FNDC3B: variants seen among roughly 807,000 people sequenced by gnomAD.
The protein encoded by FNDC3B is fibronectin type III domain-containing protein 3B.
Under a neutral mutation model 151.5 loss-of-function variants are expected in FNDC3B, and 12 were observed. The observed-to-expected ratio is 0.08, with a 90% CI of 0.05 to 0.13. The LOEUF (loss-of-function observed/expected upper bound fraction) is 0.13, where lower values mean the gene tolerates loss of function less well. Ranked by LOEUF, FNDC3B falls within the 10% of genes least tolerant of loss-of-function variation. FNDC3B has a pLI of 1.00. For missense variants in FNDC3B, 1,214 were observed against 1,505.3 expected, an observed-to-expected ratio of 0.81 and a Z score of 3.20; for synonymous variants, 528 against 549.0, an observed-to-expected ratio of 0.96 and a Z score of 0.54.
At position 172,311,846 on chromosome 3, in the gene FNDC3B, C is replaced by G. The variant is rs1302238118; in HGVS notation, c.1254+965C>G. Among the ~76,000 whole-genome samples the G allele has an allele frequency of 5.3e-5, 8 of 150,656 alleles. No individual in the cohort carries two copies. In the East Asian group the frequency reaches 1.6e-3, roughly 29 times the overall value. Reference sequence around the variant, plus strand: ...TGAGCCGAGATCGCACCACTGCACTCTAGCCTGGGCGACAGAGCAAGACTC... The same window carrying G: ...TGAGCCGAGATCGCACCACTGCACTGTAGCCTGGGCGACAGAGCAAGACTC... On this transcript the variant is annotated intron_variant, in intron 11 of 25. Coordinates refer to ENST00000415807, the MANE Select transcript of FNDC3B (RefSeq NM_022763.4).
chr3:172,109,840 A>G (rs1719872671), intron 1 of FNDC3B, among the ~76,000 whole-genome samples: 1 of 152,234 alleles, frequency 6.6e-6, no homozygotes, highest in African/African-American at 2.4e-5. Context: ...AGCAAATATA[A>G]TGATCTCCTT....
chr3:172,111,997 C>A (rs543219658), intron 1 of FNDC3B, among the ~76,000 whole-genome samples: 338 of 152,268 alleles, frequency 2.2e-3, no homozygotes, highest in African/African-American at 7.6e-3. Context: ...TCTTAAGGAA[C>A]AAGTTATAAT....
At chr3:172,195,765 A>G (rs1444052304) in intron 3 of FNDC3B, among the ~76,000 whole-genome samples, 2 of 152,204 alleles carry the variant, frequency 1.3e-5, no homozygotes, top group South Asian at 4.1e-4. Flanking sequence ...GAGCTGTTCA[A>G]TTACACAGGA....
At chr3:172,262,296 T>C (rs1193910199) in intron 6 of FNDC3B, among the ~76,000 whole-genome samples, 2 of 152,226 alleles carry the variant, frequency 1.3e-5, no homozygotes, top group African/African-American at 2.4e-5. Flanking sequence ...CCTGTTGTGG[T>C]CCATGTGCCC....
At chr3:172,069,203 C>G (rs919745452) in intron 1 of FNDC3B, among the ~76,000 whole-genome samples, 1 of 152,180 alleles carries the variant, frequency 6.6e-6, no homozygotes, top group Non-Finnish European at 1.5e-5. Context: ...TTTAGCAGGT[C>G]ACTCTAGTAC....
intron 1 of FNDC3B, among the ~76,000 whole-genome samples, chr3:172,102,926 C>T (rs1006456116): frequency 6.6e-6 from 1 of 152,110 alleles, no homozygotes; most frequent in Non-Finnish European, 1.5e-5. Context: ...CAGTTATTCC[C>T]ATGTTTGGAT....
chr3:172,261,255 C>T (rs933339033), intron 6 of FNDC3B, among the ~76,000 whole-genome samples: 2 of 152,260 alleles, frequency 1.3e-5, no homozygotes, highest in Non-Finnish European at 2.9e-5. Flanking sequence ...GAGGTGGAAA[C>T]CATTTCTGTT....
chr3:172,065,388 G>C (rs1576830761), intron 1 of FNDC3B, among the ~76,000 whole-genome samples: 1 of 131,286 alleles, frequency 7.6e-6, no homozygotes, highest in African/African-American at 2.8e-5. Context: ...AACTGAAATA[G>C]TAGTGGACAT....
At chr3:172,083,831 T>G (rs1289714755) in intron 1 of FNDC3B, among the ~76,000 whole-genome samples, 1 of 152,258 alleles carries the variant, frequency 6.6e-6, no homozygotes, top group African/African-American at 2.4e-5. Context: ...GTTTCTACAC[T>G]GTTAAATCTA....
At chr3:172,380,453 A>C (rs1735380421) in intron 24 of FNDC3B, among the ~76,000 whole-genome samples, 2 of 152,232 alleles carry the variant, frequency 1.3e-5, no homozygotes, top group African/African-American at 4.8e-5. Context: ...CTGCTCCTCA[A>C]ACTTTCCTTA....
At chr3:172,114,915 A>C (rs1416178572) in intron 2 of FNDC3B, among the ~76,000 whole-genome samples, 1 of 152,238 alleles carries the variant, frequency 6.6e-6, no homozygotes, top group African/African-American at 2.4e-5. Context: ...CTTTTTAATT[A>C]GTAAATATGT....
chr3:172,285,813 A>AT, intron 6 of FNDC3B, 113 bp from the exon 7 acceptor site: 1 of 738,130 alleles, frequency 1.4e-6, no homozygotes, highest in Non-Finnish European at 2.3e-6. Flanking sequence ...AATTCATGAT[A>AT]ACAGGCAACT....
chr3:172,249,026 A>T (rs1186867596), intron 5 of FNDC3B, among the ~76,000 whole-genome samples: 2 of 152,098 alleles, frequency 1.3e-5, no homozygotes, highest in Non-Finnish European at 2.9e-5. Context: ...TTTCCATGCG[A>T]CACACCAAGA....
In FNDC3B at chr3:172,397,665, AT is replaced by A. The variant is rs879363297; in HGVS notation, c.*201del. 5.8e-3 allele frequency: 1,617 copies of A among 276,540 alleles called. No individual in the cohort carries two copies. Among genetic ancestry groups the A allele is most frequent in the South Asian group, 9.4e-3 (45 of 4,798 alleles). 17.1% of individuals were successfully genotyped at this position (276,540 alleles called of 1,614,324 possible). A position where few individuals can be genotyped will look rare whatever the true frequency, so the allele number is the denominator to read the frequency against. On this transcript the variant is annotated 3_prime_UTR_variant, in exon 26 of 26. Transcript: ENST00000415807. ...CAAAACTAGGAAAAGGTTAAACTGG[AT>A]TTTTTTTTTTAAAAAAAAGAAAAAA...
intron 9 of FNDC3B, chr3:172,302,685 T>A (rs559934971): frequency 2.0e-5 from 3 of 152,220 alleles, no homozygotes; most frequent in African/African-American, 7.2e-5. Context: ...ACTTTCATAT[T>A]TGTTACCCTA....
At chr3:172,079,544 C>G (rs759339459) in intron 1 of FNDC3B, among the ~76,000 whole-genome samples, 1 of 152,242 alleles carries the variant, frequency 6.6e-6, no homozygotes. Flanking sequence ...AGGTATCTTG[C>G]AATGATTCTT....
chr3:172,089,450 A>C (rs1229791365), intron 1 of FNDC3B, among the ~76,000 whole-genome samples: 2 of 152,146 alleles, frequency 1.3e-5, no homozygotes, highest in Non-Finnish European at 2.9e-5. Flanking sequence ...AGAGGTTTGG[A>C]GGATTTCCCT....
At chr3:172,107,810 A>G (rs1719733768) in intron 1 of FNDC3B, among the ~76,000 whole-genome samples, 1 of 152,156 alleles carries the variant, frequency 6.6e-6, no homozygotes, top group South Asian at 2.1e-4. Context: ...CTGGCCGCTC[A>G]GCCCAAAGAA....
At chr3:172,390,235 G>C (rs1363365199) in intron 25 of FNDC3B, among the ~76,000 whole-genome samples, 2 of 152,148 alleles carry the variant, frequency 1.3e-5, no homozygotes, top group Non-Finnish European at 2.9e-5. Flanking sequence ...TTGTGAAAGA[G>C]GGAAGCTGTT....
Sources: gnomAD v4.1 joint callset for allele counts (sites outside exome capture counted in the v4.1 genomes callset) on GRCh38, gnomAD v4.1.1 for gene constraint, MANE v1.5 for transcripts, NCBI Gene and HGNC (gene_info 2026-07-23, HGNC 2026-07-21) for gene names.